BTBD10: variants seen among roughly 807,000 people sequenced by gnomAD.
The protein encoded by BTBD10 is BTB domain containing 10, also known as BTB/POZ domain-containing protein 10.
A neutral mutation model predicts 53.2 loss-of-function variants in BTBD10; 21 were observed. That is an observed-to-expected ratio of 0.39 (90% CI 0.28 to 0.57). The LOEUF (loss-of-function observed/expected upper bound fraction) is 0.57, where lower values mean the gene tolerates loss of function less well. Among genes scored for constraint, BTBD10 ranks in the 20% least tolerant of loss-of-function variants. The pLI is 0.53. For missense variants in BTBD10, 360 were observed against 594.7 expected (o/e 0.61, Z 4.10); for synonymous variants, 149 against 192.7 (o/e 0.77, Z 1.88).
intron 3 of BTBD10, 61 bp downstream of exon 3, chr11:13,421,581 C>A (rs1950242725): frequency 7.0e-7 from 1 of 1,432,752 alleles, no homozygotes; most frequent in Non-Finnish European, 9.6e-7. Context: ...GTCATTACTA[C>A]TTTAAAAAGG....
chr11:13,439,327 C>A (rs1275519983), intron 2 of BTBD10, among the ~76,000 whole-genome samples: 1 of 152,028 alleles, frequency 6.6e-6, no homozygotes, highest in African/African-American at 2.4e-5. Flanking sequence ...ACTCACTAAT[C>A]CAAAACCTCA....
intron 2 of BTBD10, among the ~76,000 whole-genome samples, chr11:13,422,427 C>T (rs1055316086): frequency 1.3e-5 from 2 of 152,220 alleles, no homozygotes; most frequent in Non-Finnish European, 1.5e-5. Context: ...GCGGGTGAAT[C>T]GCTTGAGGTC....
chr11:13,442,175 T>C (rs1218281615), intron 2 of BTBD10, among the ~76,000 whole-genome samples: 5 of 152,098 alleles, frequency 3.3e-5, no homozygotes, highest in Non-Finnish European at 7.4e-5. Flanking sequence ...CATCAGCCAG[T>C]GTTTAGTCTT....
At chr11:13,427,373 A>G (rs544206445) in intron 2 of BTBD10, among the ~76,000 whole-genome samples, 1 of 152,344 alleles carries the variant, frequency 6.6e-6, no homozygotes, top group Non-Finnish European at 1.5e-5. Flanking sequence ...AGTTCAGAAC[A>G]AAGAATATCA....
At chr11:13,454,971 T>G (rs749723596) in intron 1 of BTBD10, among the ~76,000 whole-genome samples, 1 of 152,196 alleles carries the variant, frequency 6.6e-6, no homozygotes, top group African/African-American at 2.4e-5. Flanking sequence ...GGTGCAATGA[T>G]GCAATCTCAG....
chr11:13,440,248 G>A (rs1169781989), intron 2 of BTBD10: 37 of 1,246,606 alleles, frequency 3.0e-5, no homozygotes, highest in Non-Finnish European at 3.7e-5. Context: ...GGGTTGTGCA[G>A]CACTGACGTT....
In BTBD10 at chr11:13,417,228, G is replaced by A; in HGVS notation, c.617C>T (p.Thr206Ile). Residue 206 changes from threonine to isoleucine, a missense_variant, in exon 5 of 9, where the codon ACA (threonine) becomes ATA (isoleucine). Coordinates refer to ENST00000278174, the MANE Select transcript of BTBD10 (RefSeq NM_032320.7). ...ATACTCTCCTTTCTCATTGGGTCGT[G>A]TAAAGTTATGTTCTCGGCCAGATCC... ...MFGSGREHNF[T>I]RPNEKGEYEV... 1.9e-6 allele frequency: 3 copies of A among 1,613,400 alleles called. No individual in the cohort carries two copies. Among genetic ancestry groups the A allele is most frequent in the Non-Finnish European group, 2.5e-6 (3 of 1,179,642 alleles).
chr11:13,393,433 G>A (rs1169497020), intron 8 of BTBD10, among the ~76,000 whole-genome samples: 1 of 152,156 alleles, frequency 6.6e-6, no homozygotes, highest in Non-Finnish European at 1.5e-5. Context: ...GCATAGAAAT[G>A]GTGGGGGAGG....
chr11:13,421,804 G>A lies in BTBD10; in HGVS notation c.136C>T (p.His46Tyr). ...GCACCATGTAGACTCATTTTGGTGT[G>A]GTCAACTCCTCCTTTAGCAATACGC... is the stretch of plus-strand genomic sequence containing the variant. Reference protein sequence around the residue: ...SSRIAKGGVDHTKMSLHGASG... With the variant: ...SSRIAKGGVDYTKMSLHGASG... Residue 46 changes from histidine (H) to tyrosine (Y), a missense_variant, in exon 3 of 9, where the codon CAC becomes TAC. His to Tyr is a moderately conservative substitution (Grantham distance 83). Coordinates refer to ENST00000278174, the MANE Select transcript of BTBD10 (RefSeq NM_032320.7). 2.5e-6 allele frequency: 4 copies of A among 1,612,654 alleles called. No homozygotes were observed. Among genetic ancestry groups the A allele is most frequent in the Non-Finnish European group, 3.4e-6 (4 of 1,179,284 alleles).
rs539076779 is a variant in BTBD10 at position 13,440,239 on chromosome 11, G to C, written c.101+4785C>G. ...TCTCACAGACACTGACTCAGCCGTG[G>C]GTTGTGCAGCACTGACGTTTCTAAC... On this transcript the variant is annotated intron_variant, in intron 2 of 8. Transcript: ENST00000278174. 3 of 1,291,678 alleles carry C rather than the reference G, an allele frequency of 2.3e-6. No homozygotes were observed. In the South Asian group the frequency reaches 4.5e-5, roughly 19 times the overall value. 80.0% of individuals were successfully genotyped at this position (1,291,678 alleles called of 1,614,324 possible).
chr11:13,432,072 C>T (rs545458159), intron 2 of BTBD10, among the ~76,000 whole-genome samples: 1 of 151,688 alleles, frequency 6.6e-6, no homozygotes, highest in South Asian at 2.1e-4. Context: ...TGAATGGATC[C>T]AAAAGCATTT....
intron 8 of BTBD10, among the ~76,000 whole-genome samples, chr11:13,400,045 G>C (rs1285719095): frequency 1.3e-5 from 2 of 152,204 alleles, no homozygotes; most frequent in African/African-American, 4.8e-5. Context: ...CAAGCTGTGT[G>C]CTGGGAGAAC....
At chr11:13,429,412 A>G (rs1328759091) in intron 2 of BTBD10, among the ~76,000 whole-genome samples, 1 of 152,200 alleles carries the variant, frequency 6.6e-6, no homozygotes, top group East Asian at 1.9e-4. Flanking sequence ...TGTAGTAATG[A>G]GTAAAGTGTG....
intron 8 of BTBD10, among the ~76,000 whole-genome samples, chr11:13,390,413 G>A (rs538546193): frequency 7.3e-5 from 11 of 151,544 alleles, no homozygotes; most frequent in South Asian, 2.1e-4. Flanking sequence ...GTGCTGTCTC[G>A]GCTCACTGCA....
At chr11:13,410,879 T>G (rs780163044) in intron 6 of BTBD10, among the ~76,000 whole-genome samples, 1 of 151,986 alleles carries the variant, frequency 6.6e-6, no homozygotes, top group East Asian at 1.9e-4. Flanking sequence ...GACACAAAAG[T>G]GTGAATAAAT....
At chr11:13,398,857 G>T (rs915380913) in intron 8 of BTBD10, among the ~76,000 whole-genome samples, 1 of 152,140 alleles carries the variant, frequency 6.6e-6, no homozygotes, top group Non-Finnish European at 1.5e-5. Flanking sequence ...CTTTAAGAAT[G>T]TTGAATATTG....
chr11:13,442,551 G>A (rs996967058), intron 2 of BTBD10, among the ~76,000 whole-genome samples: 4 of 151,976 alleles, frequency 2.6e-5, no homozygotes, highest in Non-Finnish European at 5.9e-5. Flanking sequence ...GAAGATCCAT[G>A]CCAGAAATGT....
intron 8 of BTBD10, among the ~76,000 whole-genome samples, chr11:13,397,247 A>G (rs1949577656): frequency 6.6e-6 from 1 of 152,198 alleles, no homozygotes; most frequent in Admixed American, 6.5e-5. Context: ...CAGAGATTCA[A>G]CTTCTTCCTG....
chr11:13,400,265 C>T (rs1378114074), intron 8 of BTBD10, among the ~76,000 whole-genome samples: 1 of 152,222 alleles, frequency 6.6e-6, no homozygotes, highest in Non-Finnish European at 1.5e-5. Flanking sequence ...CCTCCCCCAG[C>T]CTCGCTGCCA....
Sources: gnomAD v4.1 joint callset for allele counts (sites outside exome capture counted in the v4.1 genomes callset) on GRCh38, gnomAD v4.1.1 for gene constraint, MANE v1.5 for transcripts, NCBI Gene and HGNC (gene_info 2026-07-23, HGNC 2026-07-21) for gene names.